Variants in MFHAS1 observed in about 807,000 individuals in gnomAD.
The protein encoded by MFHAS1 is multifunctional ROCO family signaling regulator 1.
MFHAS1 carries 50 observed loss-of-function variants against 70.4 expected under a neutral mutation model. The observed-to-expected ratio is 0.71, with a 90% CI of 0.57 to 0.90. The LOEUF is 0.90. MFHAS1 is among the 40% of genes least tolerant of loss of function. The probability of loss-of-function intolerance (pLI) is 0.00; values close to 1 mark genes in which losing one functional copy is unlikely to be tolerated. For synonymous variants in MFHAS1, 952 were observed against 620.0 expected (o/e 1.54, Z -7.96); for missense variants, 1,795 against 1,347.6 (o/e 1.33, Z -5.20).
intron 1 of MFHAS1, chr8:8,821,795 G>A (rs1394912056): frequency 6.6e-6 from 1 of 152,214 alleles, no homozygotes; most frequent in Non-Finnish European, 1.5e-5. Flanking sequence ...CCAACTATGT[G>A]CAAAAGACAG....
intron 1 of MFHAS1, among the ~76,000 whole-genome samples, chr8:8,854,270 C>T (rs1294575262): frequency 2.0e-5 from 3 of 152,004 alleles, no homozygotes; most frequent in Non-Finnish European, 4.4e-5. Flanking sequence ...CAGTGGCTCA[C>T]GCCTGTAATC....
chr8:8,867,844 A>G (rs1395269367), intron 1 of MFHAS1, among the ~76,000 whole-genome samples: 3 of 152,140 alleles, frequency 2.0e-5, no homozygotes, highest in African/African-American at 7.2e-5. Context: ...GGCGTGAGCC[A>G]CCGTGCCTGG....
chr8:8,804,782 G>C (rs573839866), intron 1 of MFHAS1, among the ~76,000 whole-genome samples: 2 of 152,194 alleles, frequency 1.3e-5, no homozygotes, highest in Non-Finnish European at 2.9e-5. Flanking sequence ...GGGAAGCCGT[G>C]CCAGGCCCAC....
At chr8:8,816,719 C>G (rs1047320550) in intron 1 of MFHAS1, among the ~76,000 whole-genome samples, 1 of 152,050 alleles carries the variant, frequency 6.6e-6, no homozygotes, top group Non-Finnish European at 1.5e-5. Flanking sequence ...GATGACACTA[C>G]CTACCAATGG....
Position 8,891,656 on chromosome 8 carries a change from G to C in MFHAS1, c.1403C>G (p.Ser468Cys), listed in dbSNP as rs1390373255. The change falls in exon 1 of 3, where the codon TCC becomes TGC. Residue 468 changes from serine (S) to cysteine (C), a missense_variant. Transcript: ENST00000276282. The surrounding 1 kb of genome is among the most constrained non-coding windows in gnomAD (Gnocchi z 5.4). ...ATACACGATGAACCGCAGGCCCCGGGAGGCATCGGCCGTCCAGCTGGTCAC... is the reference window on the plus strand; with the variant it reads ...ATACACGATGAACCGCAGGCCCCGGCAGGCATCGGCCGTCCAGCTGGTCAC... Reference protein sequence around the residue: ...IEVTSWTADASRGLRFIVYDL... With the variant: ...IEVTSWTADACRGLRFIVYDL... 1 of 1,613,510 alleles carries C rather than the reference G, an allele frequency of 6.2e-7. No individual in the cohort carries two copies. Among genetic ancestry groups the C allele is most frequent in the Non-Finnish European group, 8.5e-7 (1 of 1,180,036 alleles).
intron 1 of MFHAS1, among the ~76,000 whole-genome samples, chr8:8,867,607 G>C (rs1402376703): frequency 6.6e-6 from 1 of 151,296 alleles, no homozygotes; most frequent in Non-Finnish European, 1.5e-5. Flanking sequence ...TCCTAGGCTG[G>C]AGTGCAGTGG....
intron 1 of MFHAS1, among the ~76,000 whole-genome samples, chr8:8,823,517 G>A (rs144246872): frequency 2.6e-5 from 4 of 152,110 alleles, no homozygotes; most frequent in East Asian, 1.9e-4. Flanking sequence ...GGGTCTCTTC[G>A]AGCTTTAAAT....
At chr8:8,839,104 T>G (rs570187949) in intron 1 of MFHAS1, among the ~76,000 whole-genome samples, 2 of 152,146 alleles carry the variant, frequency 1.3e-5, no homozygotes, top group Non-Finnish European at 2.9e-5. Context: ...ACCCATTTCC[T>G]GCAGGAACTA....
chr8:8,862,924 C>G (rs1808721274), intron 1 of MFHAS1, among the ~76,000 whole-genome samples: 1 of 152,226 alleles, frequency 6.6e-6, no homozygotes, highest in African/African-American at 2.4e-5. Flanking sequence ...CTTTGCCCGT[C>G]TGAAGGTCAC....
At chr8:8,851,265 T>A (rs1182993469) in intron 1 of MFHAS1, among the ~76,000 whole-genome samples, 1 of 152,240 alleles carries the variant, frequency 6.6e-6, no homozygotes, top group African/African-American at 2.4e-5. Flanking sequence ...CTATATTTTG[T>A]GGTTGATCCC....
rs1414997519 is a variant in MFHAS1, at chr8:8,892,718, G to A, written c.341C>T (p.Thr114Ile). 1 of 1,579,174 alleles carries A rather than the reference G, an allele frequency of 6.3e-7. No individual in the cohort carries two copies. Among genetic ancestry groups the A allele is most frequent in the African/African-American group, 1.3e-5 (1 of 74,308 alleles). ...PAVAELGHHLTELDVSHNRLT... is the reference protein window; with the variant it reads ...PAVAELGHHLIELDVSHNRLT... Reference sequence around the variant, plus strand: ...CCGGTTGTGGCTCACGTCCAGCTCGGTGAGGTGGTGGCCGAGCTCGGCCAC... The same window carrying A: ...CCGGTTGTGGCTCACGTCCAGCTCGATGAGGTGGTGGCCGAGCTCGGCCAC... The change falls in exon 1 of 3, where the codon ACC becomes ATC. Residue 114 changes from threonine (T) to isoleucine (I), a missense_variant. Transcript: ENST00000276282. This position sits in a 1 kb window ranked among gnomAD's most constrained non-coding sequence, Gnocchi z 4.7.
chr8:8,849,805 G>A (rs1214141193), intron 1 of MFHAS1, among the ~76,000 whole-genome samples: 1 of 152,224 alleles, frequency 6.6e-6, no homozygotes. Flanking sequence ...TTCTCTCAGA[G>A]GGAACCAAAT....
At chr8:8,797,319 GGATC>G (rs771125589) in intron 2 of MFHAS1, 42 bp downstream of exon 2, 32 of 1,607,350 alleles carry the variant, frequency 2.0e-5, no homozygotes, top group Non-Finnish European at 2.6e-5. Context: ...TATGGAGCTG[GGATC>G]AGGAGCCAGG....
chr8:8,877,590 C>T (rs1282626625), intron 1 of MFHAS1, among the ~76,000 whole-genome samples: 1 of 152,194 alleles, frequency 6.6e-6, no homozygotes, highest in Non-Finnish European at 1.5e-5. Context: ...CAATGCTACT[C>T]TTCTCCCTCT....
chr8:8,892,400 G>C lies in MFHAS1; in HGVS notation c.659C>G (p.Pro220Arg), dbSNP rs1267895567. ...DVSSNRLRGL[P>R]EDISALRALK... Reference sequence around the variant, plus strand: ...GGCACGCAGGGCACTGATATCCTCAGGCAGGCCCCGCAGCCGGTTGCTGGA... The same window carrying C: ...GGCACGCAGGGCACTGATATCCTCACGCAGGCCCCGCAGCCGGTTGCTGGA... Residue 220 changes from proline to arginine, a missense_variant, in exon 1 of 3, where the codon CCT becomes CGT. By Grantham distance (103) the Pro-to-Arg change is moderately radical. Transcript: ENST00000276282. The surrounding 1 kb of genome is among the most constrained non-coding windows in gnomAD (Gnocchi z 4.7). The C allele has an allele frequency of 1.2e-6, 2 of 1,613,058 alleles. No homozygotes were observed. The highest frequency in any genetic ancestry group is 1.7e-6 in the Non-Finnish European group (2 of 1,179,880).
At chr8:8,867,019 AAG>A (rs954424294) in intron 1 of MFHAS1, among the ~76,000 whole-genome samples, 5 of 152,210 alleles carry the variant, frequency 3.3e-5, no homozygotes, top group Non-Finnish European at 5.9e-5. Context: ...AAAAAAAAGA[AAG>A]AGAAAGAGAG....
chr8:8,842,485 G>A (rs757896228), intron 1 of MFHAS1, among the ~76,000 whole-genome samples: 2 of 152,106 alleles, frequency 1.3e-5, no homozygotes, highest in East Asian at 1.9e-4. Context: ...CACCATGCCC[G>A]ACCCCACGTC....
At chr8:8,814,793 T>G (rs865847446) in intron 1 of MFHAS1, among the ~76,000 whole-genome samples, 1 of 151,554 alleles carries the variant, frequency 6.6e-6, no homozygotes, top group Non-Finnish European at 1.5e-5. Flanking sequence ...GTGATGCATA[T>G]TGGGGAGCTG....
chr8:8,854,275 G>A (rs1808349755), intron 1 of MFHAS1, among the ~76,000 whole-genome samples: 1 of 152,080 alleles, frequency 6.6e-6, no homozygotes, highest in African/African-American at 2.4e-5. Flanking sequence ...GCTCACGCCT[G>A]TAATCCCAGC....
Sources: gnomAD v4.1 joint callset for allele counts (sites outside exome capture counted in the v4.1 genomes callset) on GRCh38, gnomAD v4.1.1 for gene constraint, Gnocchi (gnomAD v3.1) non-coding constraint, MANE v1.5 for transcripts, NCBI Gene and HGNC (gene_info 2026-07-23, HGNC 2026-07-21) for gene names.